SENP1: variants seen among roughly 807,000 people sequenced by gnomAD.
The protein encoded by SENP1 is SUMO specific peptidase 1.
In SENP1, 21 loss-of-function variants were observed where a neutral mutation model predicts 93.0. The ratio of observed to expected loss-of-function variants is 0.23; its 90% CI spans 0.16 to 0.33. The LOEUF is 0.33. SENP1 is among the 10% of genes least tolerant of loss of function. The pLI is 1.00. For synonymous variants in SENP1, 256 were observed against 259.6 expected, an observed-to-expected ratio of 0.99 and a Z score of 0.13; for missense variants, 591 against 758.7, an observed-to-expected ratio of 0.78 and a Z score of 2.60.
chr12:48,090,492 C>T (rs1306956924), intron 4 of SENP1, among the ~76,000 whole-genome samples: 1 of 152,176 alleles, frequency 6.6e-6, no homozygotes, highest in African/African-American at 2.4e-5. Flanking sequence ...TCTGTTTAAA[C>T]AGAAAAAGGT....
chr12:48,103,493 A>G (rs180892406), intron 1 of SENP1, among the ~76,000 whole-genome samples: 8 of 152,326 alleles, frequency 5.3e-5, no homozygotes, highest in Admixed American at 5.2e-4. Flanking sequence ...TTAAAACCCC[A>G]CATTTATATT....
At chr12:48,071,051 T>G (rs1943657804) in intron 9 of SENP1, among the ~76,000 whole-genome samples, 1 of 152,172 alleles carries the variant, frequency 6.6e-6, no homozygotes, top group Non-Finnish European at 1.5e-5. Context: ...GCCACTGCAC[T>G]CTTGCCTGGG....
At chr12:48,059,389 T>A (rs1483580478) in intron 13 of SENP1, among the ~76,000 whole-genome samples, 1 of 152,200 alleles carries the variant, frequency 6.6e-6, no homozygotes, top group South Asian at 2.1e-4. Context: ...TACTACCTTA[T>A]ATATTTTTAT....
At chr12:48,060,214 AG>A (rs1292000395) in intron 13 of SENP1, among the ~76,000 whole-genome samples, 26 of 152,320 alleles carry the variant, frequency 1.7e-4, no homozygotes, top group South Asian at 1.7e-3. Flanking sequence ...CTAATTTTCT[AG>A]TTAAGTTGAA....
rs115576994 is a variant in SENP1 at position 48,096,267 on chromosome 12, A to C, written c.220+76T>G. On this transcript the variant is annotated intron_variant, in intron 4 of 17. Transcript: ENST00000549518. ...TTTGACAATGTTTTTACTTTTGGAG[A>C]TGATAAACATAAACGATATGCTATC... The C allele has an allele frequency of 3.3e-4, 249 of 749,376 alleles. 2 individuals carry two copies. The African/African-American group carries it at 4.1e-3, about 12-fold the overall frequency. The allele number at this position is 749,376 out of a possible 1,614,324, so 46.4% of individuals were successfully genotyped here. A position where few individuals can be genotyped will look rare whatever the true frequency, so the allele number is the denominator to read the frequency against.
intron 6 of SENP1, among the ~76,000 whole-genome samples, chr12:48,076,918 T>C (rs987759649): frequency 6.6e-6 from 1 of 152,208 alleles, no homozygotes; most frequent in Non-Finnish European, 1.5e-5. Flanking sequence ...GTGCTGGGAT[T>C]AAAGGCGTGA....
intron 9 of SENP1, among the ~76,000 whole-genome samples, chr12:48,068,023 G>A (rs2136986801): frequency 6.6e-6 from 1 of 152,142 alleles, no homozygotes; most frequent in East Asian, 1.9e-4. Context: ...ACCACACCTG[G>A]CTAATTTTTT....
At chr12:48,082,607 A>T (rs2137126069) in intron 6 of SENP1, among the ~76,000 whole-genome samples, 1 of 152,338 alleles carries the variant, frequency 6.6e-6, no homozygotes, top group South Asian at 2.1e-4. Flanking sequence ...TTGTATCTCC[A>T]AGCAACCACA....
intron 1 of SENP1, 151 bp downstream of exon 1, chr12:48,105,877 C>T: frequency 1.6e-6 from 1 of 607,520 alleles, no homozygotes; most frequent in Non-Finnish European, 2.9e-6. Context: ...GAGGTGGTCC[C>T]AGGGGGCGGG....
At chr12:48,053,838 G>A (rs1007079384) in intron 13 of SENP1, among the ~76,000 whole-genome samples, 13 of 152,132 alleles carry the variant, frequency 8.5e-5, no homozygotes, top group Admixed American at 1.3e-4. Flanking sequence ...CCTTTCACTA[G>A]CTGGTGAAGT....
At chr12:48,093,418 G>A (rs1328220811) in intron 4 of SENP1, among the ~76,000 whole-genome samples, 3 of 151,690 alleles carry the variant, frequency 2.0e-5, no homozygotes, top group African/African-American at 7.3e-5. Context: ...CAAGTAGCTG[G>A]GATTACAGGT....
chr12:48,062,912 T>G (rs942897980), intron 13 of SENP1, among the ~76,000 whole-genome samples: 1 of 152,210 alleles, frequency 6.6e-6, no homozygotes, highest in African/African-American at 2.4e-5. Context: ...TCTAAAATAT[T>G]TAATGATTAC....
intron 5 of SENP1, among the ~76,000 whole-genome samples, chr12:48,086,162 A>T (rs919367635): frequency 6.6e-6 from 1 of 152,240 alleles, no homozygotes; most frequent in Non-Finnish European, 1.5e-5. Context: ...CATTTGAAAC[A>T]TATGAAGTGT....
At position 48,044,357 on chromosome 12, in the gene SENP1, C is replaced by CATATATAT. The variant is rs35521150; in HGVS notation, c.*957_*964dup. The CATATATAT allele has an allele frequency of 5.8e-5, 8 of 138,584 alleles. No homozygotes were observed. The highest frequency in any genetic ancestry group is 2.1e-4 in the African/African-American group (8 of 37,608). The allele number at this position is 138,584 out of a possible 1,614,324, so 8.6% of individuals were successfully genotyped here. A position where few individuals can be genotyped will look rare whatever the true frequency, so the allele number is the denominator to read the frequency against. On this transcript the variant is annotated 3_prime_UTR_variant, in exon 18 of 18. Transcript: ENST00000549518. Reference sequence around the variant, plus strand: ...ATATCCCTGTGAAATTTTATACATACATATATATATATATATATGTATGTG... The same window carrying CATATATAT: ...ATATCCCTGTGAAATTTTATACATACATATATATATATATATATATATATATGTATGTG...
intron 6 of SENP1, chr12:48,081,570 G>GTT (rs397962697): frequency 0.027 from 3,193 of 119,286 alleles, 168 homozygotes; most frequent in African/African-American, 0.042. Flanking sequence ...GTGTTTTTTC[G>GTT]TTTTTTTTTT....
intron 6 of SENP1, chr12:48,080,223 G>T (rs1944409263): frequency 6.6e-6 from 1 of 152,024 alleles, no homozygotes; most frequent in South Asian, 2.1e-4. Context: ...CTAGCCACAT[G>T]TGGCTAATGA....
chr12:48,069,728 G>C (rs1943550208), intron 9 of SENP1, among the ~76,000 whole-genome samples: 1 of 152,120 alleles, frequency 6.6e-6, no homozygotes, highest in African/African-American at 2.4e-5. Context: ...CTTGTCCAAA[G>C]CTACATGAAG....
chr12:48,049,031 C>T lies in SENP1; in HGVS notation c.1509G>A (p.Thr503=), dbSNP rs775109148. ...AACGTTTCACTGCCTGATAACCAGC[C>T]GTTTTTAATTTAGTGAAGAAAAAGG... ...FNTFFFTKLK[T]AGYQAVKRWT... Residue 503 remains threonine (T), a synonymous_variant, in exon 14 of 18, where the codon ACG becomes ACA. Transcript: ENST00000549518. 5.1e-5 allele frequency: 83 copies of T among 1,613,532 alleles called. No individual in the cohort carries two copies. The highest frequency in any genetic ancestry group is 6.5e-5 in the Non-Finnish European group (77 of 1,179,672).
At chr12:48,080,428 C>A (rs1944421649) in intron 6 of SENP1, 1 of 152,438 alleles carries the variant, frequency 6.6e-6, no homozygotes, top group South Asian at 2.1e-4. Flanking sequence ...TCTCTTCAAA[C>A]CTCTGTTGTA....
Sources: gnomAD v4.1 joint callset for allele counts (sites outside exome capture counted in the v4.1 genomes callset) on GRCh38, gnomAD v4.1.1 for gene constraint, MANE v1.5 for transcripts, NCBI Gene and HGNC (gene_info 2026-07-23, HGNC 2026-07-21) for gene names.